The following MALRD1 variants were observed in gnomAD, a reference collection of about 807,000 sequenced individuals.
MALRD1 encodes the protein MAM and LDL-receptor class A domain-containing protein 1.
In MALRD1, 247 loss-of-function variants were observed where a neutral mutation model predicts 242.1. That is an observed-to-expected ratio of 1.02 (90% CI 0.92 to 1.13). MALRD1 has a LOEUF of 1.13. Among genes scored for constraint, MALRD1 ranks in the 50% most tolerant of loss-of-function variants. The pLI, the probability that MALRD1 is intolerant of heterozygous loss-of-function variation, is 0.00. For missense variants in MALRD1, 2,989 were observed against 2,533.1 expected, an observed-to-expected ratio of 1.18 and a Z score of -3.86; for synonymous variants, 995 against 866.6, an observed-to-expected ratio of 1.15 and a Z score of -2.60.
chr10:19,137,912 G>T (rs964678442), intron 10 of MALRD1, among the ~76,000 whole-genome samples: 1 of 152,184 alleles, frequency 6.6e-6, no homozygotes, highest in African/African-American at 2.4e-5. Context: ...GTTTTTAAAA[G>T]ATATTAAAAA....
At chr10:19,323,758 G>A (rs1842998991) in intron 21 of MALRD1, among the ~76,000 whole-genome samples, 191 bp from the exon 22 acceptor site, 1 of 151,984 alleles carries the variant, frequency 6.6e-6, no homozygotes, top group African/African-American at 2.4e-5. Flanking sequence ...ACAGGCACAC[G>A]CCACCACTCC....
chr10:19,443,206 C>T (rs1301350167), intron 28 of MALRD1, among the ~76,000 whole-genome samples: 1 of 152,034 alleles, frequency 6.6e-6, no homozygotes, highest in Non-Finnish European at 1.5e-5. Flanking sequence ...TGATTCTTCT[C>T]TCTTTTCTTC....
intron 28 of MALRD1, among the ~76,000 whole-genome samples, chr10:19,440,320 T>G (rs1834565101): frequency 6.6e-6 from 1 of 151,976 alleles, no homozygotes; most frequent in African/African-American, 2.4e-5. Flanking sequence ...CTTATGAGGG[T>G]TTTTATCTAT....
chr10:19,445,386 A>G (rs2486060), intron 28 of MALRD1, among the ~76,000 whole-genome samples: 106,955 of 152,050 alleles, frequency 0.7, 37,699 homozygotes, highest in Non-Finnish European at 0.74. Context: ...AGGAGAAGAG[A>G]CACTCTGATT....
intron 36 of MALRD1, among the ~76,000 whole-genome samples, chr10:19,632,693 T>C (rs977549904): frequency 6.6e-6 from 1 of 152,030 alleles, no homozygotes; most frequent in Non-Finnish European, 1.5e-5. Context: ...CCCTAACCCC[T>C]TTCCAGACAA....
chr10:19,329,337 T>A (rs1186079678), intron 23 of MALRD1, among the ~76,000 whole-genome samples: 1 of 152,102 alleles, frequency 6.6e-6, no homozygotes, highest in East Asian at 1.9e-4. Context: ...CTCTAGCCCT[T>A]GGGGAAACAT....
chr10:19,612,256 A>G (rs1333448564), intron 35 of MALRD1, among the ~76,000 whole-genome samples: 1 of 151,940 alleles, frequency 6.6e-6, no homozygotes, highest in East Asian at 1.9e-4. Flanking sequence ...CCTTATTTGT[A>G]AAGGAGAGCT....
intron 18 of MALRD1, among the ~76,000 whole-genome samples, chr10:19,219,790 G>A (rs1280799657): frequency 6.6e-6 from 1 of 152,054 alleles, no homozygotes; most frequent in Non-Finnish European, 1.5e-5. Context: ...TATTGAAAGT[G>A]TAGATCTGAG....
At chr10:19,157,620 C>A (rs1056604380) in intron 12 of MALRD1, among the ~76,000 whole-genome samples, 4 of 152,122 alleles carry the variant, frequency 2.6e-5, no homozygotes, top group African/African-American at 9.7e-5. Context: ...ACTGGAAAAT[C>A]TAGCCAATCC....
At chr10:19,578,044 T>G (rs143546745) in intron 33 of MALRD1, among the ~76,000 whole-genome samples, 2,011 of 152,310 alleles carry the variant, frequency 0.013, 20 homozygotes, top group East Asian at 0.036. Flanking sequence ...ATATGTTGTT[T>G]GCTGGAAAGC....
rs1838581294 is a variant in MALRD1, at chr10:19,238,538, A to ATATAATATACAT, written c.2992-19137_2992-19136insCATTATAATATA. 1.5e-4 allele frequency among the ~76,000 whole-genome samples: 11 copies of ATATAATATACAT among 74,744 alleles called. 2 individuals are homozygous for ATATAATATACAT. Among genetic ancestry groups the ATATAATATACAT allele is most frequent in the Admixed American group, 4.0e-4 (2 of 4,962 alleles). The allele number at this position is 74,744 out of a possible 152,430, so 49.0% of individuals were successfully genotyped here. ...GTATATTATATATAATATACATTATATATAATATATAATGTATATTATATA... is the reference window on the plus strand; with the variant it reads ...GTATATTATATATAATATACATTATATATAATATACATTATAATATATAATGTATATTATATA... On this transcript the variant is annotated intron_variant, in intron 18 of 39. Coordinates refer to ENST00000454679, the MANE Select transcript of MALRD1 (RefSeq NM_001142308.3).
intron 28 of MALRD1, among the ~76,000 whole-genome samples, chr10:19,443,338 ATAGT>A (rs1834777089): frequency 6.6e-6 from 1 of 151,814 alleles, no homozygotes; most frequent in Non-Finnish European, 1.5e-5. Flanking sequence ...TGCTCTGATC[ATAGT>A]TATTTCTTGC....
At chr10:19,680,283 G>A (rs1408417876) in intron 36 of MALRD1, among the ~76,000 whole-genome samples, 1 of 152,138 alleles carries the variant, frequency 6.6e-6, no homozygotes, top group East Asian at 1.9e-4. Flanking sequence ...AAGTCTCTTT[G>A]TAGGTCTCTA....
At chr10:19,392,478 C>A (rs902267563) in intron 28 of MALRD1, among the ~76,000 whole-genome samples, 1 of 152,066 alleles carries the variant, frequency 6.6e-6, no homozygotes, top group African/African-American at 2.4e-5. Flanking sequence ...TTAGAATGGC[C>A]ATATATGATT....
chr10:19,581,967 G>A (rs1445855582), intron 33 of MALRD1, among the ~76,000 whole-genome samples: 1 of 152,144 alleles, frequency 6.6e-6, no homozygotes, highest in African/African-American at 2.4e-5. Context: ...TTCTCTGATG[G>A]CCAGTGATGG....
chr10:19,198,657 C>G (rs1836372918), intron 14 of MALRD1, among the ~76,000 whole-genome samples: 1 of 152,016 alleles, frequency 6.6e-6, no homozygotes, highest in South Asian at 2.1e-4. Context: ...AATTGTCTAC[C>G]AATAATAACT....
chr10:19,315,154 GAAATATGTAAATATA>G (rs1842603071), intron 21 of MALRD1, among the ~76,000 whole-genome samples: 2 of 113,022 alleles, frequency 1.8e-5, no homozygotes, highest in Admixed American at 1.9e-4. Flanking sequence ...ATAATTTATA[GAAATATGTAAATATA>G]ATTTATATAA....
chr10:19,717,449 G>T (rs1354279299), intron 38 of MALRD1, among the ~76,000 whole-genome samples: 2 of 152,134 alleles, frequency 1.3e-5, no homozygotes, highest in Non-Finnish European at 2.9e-5. Flanking sequence ...CTGGTGCTAA[G>T]AACTAGTGCT....
chr10:19,129,914 C>T (rs1833025808), intron 8 of MALRD1, among the ~76,000 whole-genome samples: 1 of 149,736 alleles, frequency 6.7e-6, no homozygotes, highest in Non-Finnish European at 1.5e-5. Context: ...ATATATATCA[C>T]ATATCTGTAG....
Sources: gnomAD v4.1 joint callset for allele counts (sites outside exome capture counted in the v4.1 genomes callset) on GRCh38, gnomAD v4.1.1 for gene constraint, MANE v1.5 for transcripts, NCBI Gene and HGNC (gene_info 2026-07-23, HGNC 2026-07-21) for gene names.